The following USP13 variants were observed in gnomAD, a reference collection of about 807,000 sequenced individuals.
The protein encoded by USP13 is ubiquitin carboxyl-terminal hydrolase 13.
USP13 carries 68 observed loss-of-function variants against 107.8 expected under a neutral mutation model. The observed-to-expected ratio is 0.63, with a 90% confidence interval of 0.52 to 0.77. The LOEUF (loss-of-function observed/expected upper bound fraction) is 0.77. Ranked by LOEUF, USP13 falls within the 30% of genes least tolerant of loss-of-function variation. USP13 has a pLI of 0.00. For missense variants in USP13, 945 were observed against 1,093.3 expected (o/e 0.86, Z 1.91); for synonymous variants, 377 against 389.5 (o/e 0.97, Z 0.38).
chr3:179,740,139 T>G, intron 10 of USP13, 108 bp from the exon 11 acceptor site: 3 of 1,498,414 alleles, frequency 2.0e-6, no homozygotes, highest in Non-Finnish European at 2.7e-6. Context: ...TGGGCTGTAG[T>G]TTTCTCATCT....
chr3:179,683,540 G>A (rs992345512), intron 2 of USP13, among the ~76,000 whole-genome samples: 2 of 152,146 alleles, frequency 1.3e-5, no homozygotes, highest in African/African-American at 4.8e-5. Context: ...CATCTTACGT[G>A]GATGGTAGCA....
intron 1 of USP13, among the ~76,000 whole-genome samples, chr3:179,675,655 C>A (rs566671469): frequency 1.3e-5 from 2 of 151,908 alleles, no homozygotes; most frequent in South Asian, 2.1e-4. Flanking sequence ...TCAAGGAATT[C>A]TCCTGCCTCA....
chr3:179,707,839 T>A (rs761697801), intron 5 of USP13, among the ~76,000 whole-genome samples: 192 of 152,228 alleles, frequency 1.3e-3, no homozygotes, highest in Admixed American at 2.3e-3. Context: ...GGCATTCACC[T>A]TCTGTGTGGT....
At chr3:179,720,517 G>T (rs1365286178) in intron 7 of USP13, among the ~76,000 whole-genome samples, 1 of 152,194 alleles carries the variant, frequency 6.6e-6, no homozygotes, top group Non-Finnish European at 1.5e-5. Context: ...TTGATGTCAT[G>T]ACTATATAAT....
At chr3:179,682,051 C>CG (rs2108454062) in intron 2 of USP13, 48 bp downstream of exon 2, 3 of 1,567,818 alleles carry the variant, frequency 1.9e-6, no homozygotes, top group Non-Finnish European at 2.6e-6. Context: ...TTCCCTGTAA[C>CG]GTTGTCTCAG....
intron 4 of USP13, among the ~76,000 whole-genome samples, chr3:179,702,244 C>T (rs972342762): frequency 2.0e-5 from 3 of 152,162 alleles, no homozygotes; most frequent in Non-Finnish European, 4.4e-5. Flanking sequence ...TGGTCTCGAT[C>T]TCCTGACCTC....
intron 2 of USP13, among the ~76,000 whole-genome samples, chr3:179,682,923 C>T (rs891703747): frequency 1.6e-4 from 24 of 152,162 alleles, no homozygotes; most frequent in South Asian, 6.2e-4. Flanking sequence ...CCTATTTACA[C>T]TCTGATCTGC....
At chr3:179,689,173 G>C (rs1265855120) in intron 2 of USP13, among the ~76,000 whole-genome samples, 1 of 152,162 alleles carries the variant, frequency 6.6e-6, no homozygotes. Context: ...ACCCACACAT[G>C]GTGGTCTGCT....
At chr3:179,660,346 T>C (rs1231113422) in intron 1 of USP13, among the ~76,000 whole-genome samples, 1 of 152,242 alleles carries the variant, frequency 6.6e-6, no homozygotes, top group Non-Finnish European at 1.5e-5. Context: ...ATTTGCTTAT[T>C]CTAGGCACTT....
At chr3:179,737,119 T>A (rs770293781) in intron 10 of USP13, among the ~76,000 whole-genome samples, 12 of 151,504 alleles carry the variant, frequency 7.9e-5, no homozygotes, top group Non-Finnish European at 1.6e-4. Flanking sequence ...AGACTCTTGA[T>A]GTGTTGTCTT....
intron 6 of USP13, among the ~76,000 whole-genome samples, chr3:179,713,200 C>T (rs745632273): frequency 6.6e-6 from 1 of 152,102 alleles, no homozygotes; most frequent in Non-Finnish European, 1.5e-5. Flanking sequence ...CAATGCAGAT[C>T]GTATACACTG....
At chr3:179,763,958 A>G in intron 17 of USP13, 44 bp from the exon 18 acceptor site, 3 of 1,528,572 alleles carry the variant, frequency 2.0e-6, no homozygotes, top group Non-Finnish European at 2.6e-6. Context: ...GACAAAAAAA[A>G]AAAAAAAAAA....
intron 6 of USP13, among the ~76,000 whole-genome samples, chr3:179,715,511 C>T (rs750296774): frequency 1.1e-4 from 16 of 151,240 alleles, no homozygotes; most frequent in East Asian, 2.0e-4. Flanking sequence ...ATTACAGGCA[C>T]GCACAACCAC....
rs1713252388 is a variant in USP13, at chr3:179,720,012, T to C, written c.878T>C (p.Ile293Thr). ...HLAKHLAHFG[I>T]DMLHMHGTEN... ...GCCAAGCACTTAGCGCATTTTGGAA[T>C]TGATATGCTTCATATGCATGGGGTG... is the stretch of plus-strand genomic sequence containing the variant. The change falls in exon 7 of 21, where the codon ATT becomes ACT. Residue 293 changes from isoleucine to threonine, a missense_variant. Transcript: ENST00000263966. The C allele has an allele frequency of 6.2e-7, 1 of 1,613,976 alleles. No individual in the cohort carries two copies. The highest frequency in any genetic ancestry group is 8.5e-7 in the Non-Finnish European group (1 of 1,179,988).
In USP13 at chr3:179,784,281, G is replaced by A. The variant is rs1351480195; in HGVS notation, c.*140G>A. On this transcript the variant is annotated 3_prime_UTR_variant, in exon 21 of 21. Coordinates refer to ENST00000263966, the MANE Select transcript of USP13 (RefSeq NM_003940.3). Reference sequence around the variant, plus strand: ...ATCGTTTATTTAAAGAGCACGATCAGTTGACACCTTCTGAAATAGAACTGA... The same window carrying A: ...ATCGTTTATTTAAAGAGCACGATCAATTGACACCTTCTGAAATAGAACTGA... 3.3e-6 allele frequency: 2 copies of A among 614,052 alleles called. No individual in the cohort carries two copies. Among genetic ancestry groups the A allele is most frequent in the South Asian group, 2.3e-5 (1 of 42,696 alleles). 38.0% of individuals were successfully genotyped at this position (614,052 alleles called of 1,614,324 possible). A position where few individuals can be genotyped will look rare whatever the true frequency, so the allele number is the denominator to read the frequency against.
chr3:179,739,978 G>A (rs946599655), intron 10 of USP13, among the ~76,000 whole-genome samples: 2 of 152,176 alleles, frequency 1.3e-5, no homozygotes, highest in Non-Finnish European at 2.9e-5. Flanking sequence ...TTTAGAAAGT[G>A]AGTACTTTCT....
intron 20 of USP13, 74 bp downstream of exon 20, chr3:179,781,897 G>A: frequency 7.7e-7 from 1 of 1,294,582 alleles, no homozygotes; most frequent in Non-Finnish European, 1.1e-6. Context: ...ACTCTCCTAG[G>A]TACATTGTAT....
chr3:179,666,456 G>A (rs1365001623), intron 1 of USP13, among the ~76,000 whole-genome samples: 2 of 152,168 alleles, frequency 1.3e-5, no homozygotes, highest in Non-Finnish European at 2.9e-5. Flanking sequence ...TGATTAGGGC[G>A]AGTAGGCTGT....
chr3:179,713,313 GTATTTTCTGTCTAATTGTAATTTCATAT>G (rs764645257), intron 6 of USP13, among the ~76,000 whole-genome samples: 46 of 152,284 alleles, frequency 3.0e-4, no homozygotes, highest in Admixed American at 1.3e-3. Flanking sequence ...TTTAATAAAA[GTATTTTCTGTCTAATTGTAATTTCATAT>G]TAGTTTATGG....
Sources: allele counts gnomAD v4.1 joint callset (sites outside exome capture counted in the v4.1 genomes callset), GRCh38; gene constraint gnomAD v4.1.1; transcripts MANE v1.5; gene names NCBI Gene and HGNC (gene_info 2026-07-23, HGNC 2026-07-21).